The following NRXN3 variants were observed in gnomAD, a reference collection of about 807,000 sequenced individuals.
The protein encoded by NRXN3 is neurexin III.
Under a neutral mutation model 137.6 loss-of-function variants are expected in NRXN3, and 32 were observed. The ratio of observed to expected loss-of-function variants is 0.23; its 90% CI spans 0.18 to 0.31. The LOEUF is 0.31. Among genes scored for constraint, NRXN3 ranks in the 10% least tolerant of loss-of-function variants. The pLI is 1.00. For synonymous variants in NRXN3, 798 were observed against 784.5 expected, an observed-to-expected ratio of 1.02 and a Z score of -0.29; for missense variants, 1,574 against 2,062.5, an observed-to-expected ratio of 0.76 and a Z score of 4.59.
intron 16 of NRXN3, among the ~76,000 whole-genome samples, chr14:79,502,177 G>A (rs558618260): frequency 1.7e-4 from 26 of 152,302 alleles, no homozygotes; most frequent in African/African-American, 5.5e-4. Context: ...AGAACAGTGG[G>A]AAGAGAAATT....
At chr14:78,311,686 T>C (rs1268477904) in intron 4 of NRXN3, among the ~76,000 whole-genome samples, 1 of 152,122 alleles carries the variant, frequency 6.6e-6, no homozygotes, top group Non-Finnish European at 1.5e-5. Flanking sequence ...CTAAAAATAG[T>C]AATCCTCATA....
chr14:78,172,908 C>T (rs144954012), intron 1 of NRXN3, among the ~76,000 whole-genome samples: 13 of 152,166 alleles, frequency 8.5e-5, no homozygotes, highest in Non-Finnish European at 1.5e-4. Context: ...GGGGTTTTGA[C>T]GGCGTTCTGG....
At chr14:79,546,722 A>G (rs761380521) in intron 16 of NRXN3, among the ~76,000 whole-genome samples, 16 of 152,092 alleles carry the variant, frequency 1.1e-4, no homozygotes, top group Non-Finnish European at 1.3e-4. Flanking sequence ...TTTCCACTAG[A>G]TTTACTTCCT....
intron 15 of NRXN3, among the ~76,000 whole-genome samples, chr14:79,350,478 A>C (rs2093151066): frequency 6.6e-6 from 1 of 152,216 alleles, no homozygotes; most frequent in Admixed American, 6.5e-5. Context: ...TTACACTTGG[A>C]CCAAAGGTGA....
chr14:78,458,781 A>G (rs1326051562), intron 4 of NRXN3, among the ~76,000 whole-genome samples: 3 of 152,228 alleles, frequency 2.0e-5, no homozygotes, highest in Admixed American at 1.3e-4. Flanking sequence ...CTGTTGTTAT[A>G]TCTCCTTCTC....
At chr14:79,354,033 G>C (rs1335925793) in intron 15 of NRXN3, among the ~76,000 whole-genome samples, 3 of 152,084 alleles carry the variant, frequency 2.0e-5, no homozygotes, top group South Asian at 4.1e-4. Flanking sequence ...CAACACTCAG[G>C]CTGATTAAAT....
chr14:78,948,494 C>T (rs2099374221), intron 10 of NRXN3, among the ~76,000 whole-genome samples: 1 of 152,212 alleles, frequency 6.6e-6, no homozygotes. Context: ...TAACTGTCAC[C>T]TGCTGCAGTG....
chr14:79,283,151 A>T (rs1480477803), intron 15 of NRXN3, among the ~76,000 whole-genome samples: 2 of 152,162 alleles, frequency 1.3e-5, no homozygotes, highest in Non-Finnish European at 2.9e-5. Flanking sequence ...GCATGGCACC[A>T]AGAGACTGAT....
chr14:79,366,930 C>G (rs1225662746), intron 15 of NRXN3, among the ~76,000 whole-genome samples: 1 of 148,158 alleles, frequency 6.7e-6, no homozygotes, highest in Non-Finnish European at 1.5e-5. Flanking sequence ...TTTTTAAAAT[C>G]TTTTTCAATT....
intron 1 of NRXN3, among the ~76,000 whole-genome samples, chr14:78,175,432 G>A (rs1404858394): frequency 6.6e-6 from 1 of 152,180 alleles, no homozygotes; most frequent in Non-Finnish European, 1.5e-5. Context: ...GTGGATAGGA[G>A]ACTTGCAAAA....
intron 4 of NRXN3, among the ~76,000 whole-genome samples, chr14:78,508,853 A>G (rs966299980): frequency 6.6e-6 from 1 of 152,194 alleles, no homozygotes; most frequent in African/African-American, 2.4e-5. Flanking sequence ...ATATTTTACC[A>G]CAATAAAAAA....
chr14:78,991,572 A>G (rs968090792), intron 15 of NRXN3, among the ~76,000 whole-genome samples: 8 of 152,222 alleles, frequency 5.3e-5, no homozygotes, highest in African/African-American at 1.9e-4. Flanking sequence ...ACTTCAGTTT[A>G]TTACTACATA....
chr14:79,139,582 C>G (rs1167046549), intron 15 of NRXN3, among the ~76,000 whole-genome samples: 2 of 152,100 alleles, frequency 1.3e-5, no homozygotes, highest in African/African-American at 2.4e-5. Flanking sequence ...TAGAAAACAT[C>G]TCTGACTTGC....
At chr14:79,779,062 C>T (rs888450718) in intron 19 of NRXN3, among the ~76,000 whole-genome samples, 4 of 152,240 alleles carry the variant, frequency 2.6e-5, no homozygotes, top group Non-Finnish European at 5.9e-5. Flanking sequence ...AAATACTCAG[C>T]ACAGTGCTTG....
At chr14:78,329,465 GTATT>G (rs931091736) in intron 4 of NRXN3, among the ~76,000 whole-genome samples, 31 of 152,108 alleles carry the variant, frequency 2.0e-4, no homozygotes, top group African/African-American at 7.5e-4. Context: ...TTTTGGATTT[GTATT>G]TATTTTTCTC....
intron 15 of NRXN3, among the ~76,000 whole-genome samples, chr14:79,448,703 G>A (rs545609841): frequency 7.2e-4 from 109 of 152,306 alleles, no homozygotes; most frequent in African/African-American, 2.3e-3. Flanking sequence ...AGCAACCTGT[G>A]TCTGTGTGTG....
At chr14:79,847,386 T>A (rs2099380589) in intron 20 of NRXN3, among the ~76,000 whole-genome samples, 1 of 152,206 alleles carries the variant, frequency 6.6e-6, no homozygotes, top group Admixed American at 6.5e-5. Context: ...GAAAAGGTCT[T>A]ATTTTGATGT....
chr14:78,556,062 C>T (rs952721652), intron 4 of NRXN3, among the ~76,000 whole-genome samples: 2 of 152,188 alleles, frequency 1.3e-5, no homozygotes, highest in Non-Finnish European at 2.9e-5. Flanking sequence ...CACAGACCAG[C>T]CCTGCCCCTG....
intron 15 of NRXN3, among the ~76,000 whole-genome samples, chr14:79,277,054 A>G (rs1389713075): frequency 6.6e-6 from 1 of 152,170 alleles, no homozygotes; most frequent in East Asian, 1.9e-4. Context: ...GAGTGCTGTC[A>G]AGGAAATAAA....
Sources: allele counts gnomAD v4.1 joint callset (sites outside exome capture counted in the v4.1 genomes callset), GRCh38; gene constraint gnomAD v4.1.1; transcripts MANE v1.5; gene names NCBI Gene and HGNC (gene_info 2026-07-23, HGNC 2026-07-21).